PPIL6: variants seen among roughly 807,000 people sequenced by gnomAD.
PPIL6 encodes peptidylprolyl isomerase like 6.
PPIL6 carries 39 observed loss-of-function variants against 36.8 expected under a neutral mutation model. The ratio of observed to expected loss-of-function variants is 1.06; its 90% CI spans 0.82 to 1.38. The LOEUF (loss-of-function observed/expected upper bound fraction) is 1.38. Ranked by LOEUF, PPIL6 falls within the 40% of genes most tolerant of loss-of-function variation. The pLI, the probability that PPIL6 is intolerant of heterozygous loss-of-function variation, is 0.00. For missense variants in PPIL6, 368 were observed against 379.1 expected (o/e 0.97, Z 0.24); for synonymous variants, 123 against 134.1 (o/e 0.92, Z 0.57).
intron 2 of PPIL6, among the ~76,000 whole-genome samples, chr6:109,434,268 T>C (rs921382370): frequency 6.6e-6 from 1 of 152,072 alleles, no homozygotes; most frequent in African/African-American, 2.4e-5. Context: ...ATAATTTATG[T>C]ATATAAGCTG....
chr6:109,403,314 C>T (rs1250129679), intron 6 of PPIL6, among the ~76,000 whole-genome samples: 1 of 151,990 alleles, frequency 6.6e-6, no homozygotes, highest in East Asian at 1.9e-4. Context: ...ACATAAATTT[C>T]CCTGATTTTT....
chr6:109,438,594 G>GT (rs1364132856), intron 1 of PPIL6, among the ~76,000 whole-genome samples: 288 of 145,172 alleles, frequency 2.0e-3, no homozygotes, highest in Middle Eastern at 3.5e-3. Context: ...ACAGTTTTTT[G>GT]TTTTTTTTTT....
Position 109,400,179 on chromosome 6 carries a change from G to T in PPIL6, c.689-9C>A. 6.2e-7 allele frequency: 1 copy of T among 1,605,314 alleles called. No homozygotes were observed. The highest frequency in any genetic ancestry group is 8.5e-7 in the Non-Finnish European group (1 of 1,174,074). ...AACTGAAAAGTTTTCATCTAGGAAA[G>T]ACAATAATCAGTAGGTCATTAGCAC... On this transcript the variant is annotated splice_polypyrimidine_tract_variant and intron_variant, in intron 6 of 7. Coordinates refer to ENST00000521072, the MANE Select transcript of PPIL6 (RefSeq NM_173672.5).
chr6:109,429,063 T>C (rs1773981203), intron 3 of PPIL6, among the ~76,000 whole-genome samples: 1 of 152,202 alleles, frequency 6.6e-6, no homozygotes, highest in African/African-American at 2.4e-5. Flanking sequence ...GGCAAGCATA[T>C]TTATCTACCA....
At chr6:109,436,541 A>T (rs1774457256) in intron 1 of PPIL6, among the ~76,000 whole-genome samples, 4 of 152,280 alleles carry the variant, frequency 2.6e-5, no homozygotes, top group Admixed American at 2.0e-4. Flanking sequence ...AACATGGCAA[A>T]AACGTGTCTC....
At chr6:109,397,970 C>T (rs907363301) in intron 7 of PPIL6, among the ~76,000 whole-genome samples, 1 of 151,686 alleles carries the variant, frequency 6.6e-6, no homozygotes, top group African/African-American at 2.4e-5. Flanking sequence ...CGGCTCACTG[C>T]AACCTCCCCC....
intron 1 of PPIL6, chr6:109,440,154 G>A: frequency 2.1e-6 from 1 of 467,130 alleles, no homozygotes; most frequent in Non-Finnish European, 4.1e-6. Flanking sequence ...CTGCGGGTGT[G>A]TGTGTGTGTG....
At chr6:109,399,094 TTTTATTTA>T (rs58404867) in intron 7 of PPIL6, among the ~76,000 whole-genome samples, 6 of 148,252 alleles carry the variant, frequency 4.0e-5, no homozygotes, top group East Asian at 2.0e-4. Context: ...CCCAGCTAAT[TTTTATTTA>T]TTTATTTATT....
chr6:109,396,492 T>C (rs1432502362), intron 7 of PPIL6, among the ~76,000 whole-genome samples: 2 of 152,150 alleles, frequency 1.3e-5, no homozygotes, highest in Non-Finnish European at 1.5e-5. Flanking sequence ...GTAGATAAGA[T>C]GCTCTCTTAC....
intron 6 of PPIL6, among the ~76,000 whole-genome samples, chr6:109,404,720 A>G (rs1772717092): frequency 1.3e-5 from 2 of 152,208 alleles, no homozygotes; most frequent in Non-Finnish European, 2.9e-5. Flanking sequence ...ATTCAGAAGG[A>G]AAGTAGCTAT....
chr6:109,412,435 G>C (rs1321607936), intron 6 of PPIL6, among the ~76,000 whole-genome samples: 2 of 152,188 alleles, frequency 1.3e-5, no homozygotes, highest in Non-Finnish European at 2.9e-5. Flanking sequence ...AATAGCTAAA[G>C]CTATCTTAAG....
intron 5 of PPIL6, 144 bp from the exon 6 acceptor site, chr6:109,419,387 C>T (rs1000232437): frequency 5.1e-6 from 3 of 584,752 alleles, no homozygotes; most frequent in Non-Finnish European, 6.1e-6. Flanking sequence ...TTGAGACCAG[C>T]CTGGGCAACA....
chr6:109,433,059 C>CTT (rs1216661459), intron 2 of PPIL6, among the ~76,000 whole-genome samples: 6 of 140,936 alleles, frequency 4.3e-5, no homozygotes, highest in South Asian at 2.2e-4. Flanking sequence ...CCAAAACTTT[C>CTT]TTTTTTTTTT....
In PPIL6 at chr6:109,431,374, A is replaced by C. The variant is rs764305428; in HGVS notation, c.232-29T>G. The stretch of plus-strand genomic sequence containing the variant: ...TAAGGGAAAAGGACAAAAAAAAAAA[A>C]AAACGTAAGAAGTGGGGGGAAAACT... On this transcript the variant is annotated intron_variant, in intron 2 of 7. Coordinates refer to ENST00000521072, the MANE Select transcript of PPIL6 (RefSeq NM_173672.5). The C allele has an allele frequency of 8.1e-5, 124 of 1,536,218 alleles. 1 individual carries two copies. The highest frequency in any genetic ancestry group is 9.5e-5 in the Non-Finnish European group (108 of 1,135,734).
chr6:109,440,564 G>A lies in PPIL6; in HGVS notation c.27C>T (p.Pro9=), dbSNP rs1000982062. 1.1e-5 allele frequency: 16 copies of A among 1,447,756 alleles called. No homozygotes were observed. Among genetic ancestry groups the A allele is most frequent in the Non-Finnish European group, 1.5e-5 (16 of 1,103,276 alleles). The allele number at this position is 1,447,756 out of a possible 1,614,324, so 89.7% of individuals were successfully genotyped here. MARPQPCG[P]PHARCGSPSL... is the part of the protein sequence containing the mutation. ...ACGGCGAGCCGCACCTAGCGTGCGG[G>A]GGCCCGCACGGCTGCGGCCTTGCCA... The change falls in exon 1 of 8, where the codon CCC becomes CCT. Residue 9 remains proline, a synonymous_variant. Coordinates refer to ENST00000521072, the MANE Select transcript of PPIL6 (RefSeq NM_173672.5).
chr6:109,408,934 C>T (rs1772903163), intron 6 of PPIL6, among the ~76,000 whole-genome samples: 1 of 152,162 alleles, frequency 6.6e-6, no homozygotes, highest in African/African-American at 2.4e-5. Flanking sequence ...AAACTACAGG[C>T]CACTACCTCT....
chr6:109,431,180 C>T lies in PPIL6; in HGVS notation c.397G>A (p.Ala133Thr), dbSNP rs774878664. 36 of 1,608,486 alleles carry T rather than the reference C, an allele frequency of 2.2e-5. 1 individual carries two copies. Among genetic ancestry groups the T allele is most frequent in the South Asian group, 5.6e-5 (5 of 89,782 alleles). ...GCCTTGGTGTCTCTTAAGAACTTAG[C>T]GGAAAAATCCTCAGTGAGTGCGTCA... ...LYDALTEDFS[A>T]KFLRDTKHDF... The change falls in exon 3 of 8, where the codon GCT becomes ACT. Residue 133 changes from alanine (A) to threonine (T), a missense_variant. By Grantham distance (58) the Ala-to-Thr change is moderately conservative (BLOSUM62 0). Transcript: ENST00000521072.
chr6:109,437,468 T>C (rs1489596546), intron 1 of PPIL6, among the ~76,000 whole-genome samples: 1 of 151,962 alleles, frequency 6.6e-6, no homozygotes, highest in Non-Finnish European at 1.5e-5. Context: ...CCCCAAGCAA[T>C]AGCTGACGCA....
intron 7 of PPIL6, among the ~76,000 whole-genome samples, chr6:109,394,078 A>G (rs1489882198): frequency 6.6e-6 from 1 of 152,202 alleles, no homozygotes; most frequent in African/African-American, 2.4e-5. Context: ...GCTCAAAGCC[A>G]TGCTAGTTTC....
Sources: allele counts gnomAD v4.1 joint callset (sites outside exome capture counted in the v4.1 genomes callset), GRCh38; gene constraint gnomAD v4.1.1; transcripts MANE v1.5; gene names NCBI Gene and HGNC (gene_info 2026-07-23, HGNC 2026-07-21).